PPM1B: variants seen among roughly 807,000 people sequenced by gnomAD.
PPM1B encodes the protein protein phosphatase, Mg2+/Mn2+ dependent 1B.
A neutral mutation model predicts 43.0 loss-of-function variants in PPM1B; 22 were observed. The ratio of observed to expected loss-of-function variants is 0.51; its 90% CI spans 0.37 to 0.73. The LOEUF is 0.73. PPM1B is among the 30% of genes least tolerant of loss of function. PPM1B has a pLI of 0.00. For synonymous variants in PPM1B, 217 were observed against 197.9 expected, an observed-to-expected ratio of 1.10 and a Z score of -0.81; for missense variants, 632 against 584.2, an observed-to-expected ratio of 1.08 and a Z score of -0.84.
chr2:44,230,365 A>C, intron 5 of PPM1B, 48 bp from the exon 6 acceptor site: 1 of 1,591,180 alleles, frequency 6.3e-7, no homozygotes, highest in Non-Finnish European at 8.5e-7. Context: ...AATACATGTG[A>C]TATCCTAGTT....
At chr2:44,223,623 C>T (rs1670073400) in intron 5 of PPM1B, among the ~76,000 whole-genome samples, 1 of 151,726 alleles carries the variant, frequency 6.6e-6, no homozygotes, top group African/African-American at 2.4e-5. Context: ...TCCTGGCTAA[C>T]ATGGTGAAAC....
chr2:44,178,487 G>A (rs1489549289), intron 1 of PPM1B, among the ~76,000 whole-genome samples: 1 of 116,486 alleles, frequency 8.6e-6, no homozygotes, highest in African/African-American at 3.4e-5. Context: ...TTTTTTTTTA[G>A]ACAGAGTTTC....
intron 5 of PPM1B, among the ~76,000 whole-genome samples, chr2:44,229,325 A>C (rs1311533129): frequency 6.6e-6 from 1 of 152,184 alleles, no homozygotes; most frequent in Non-Finnish European, 1.5e-5. Context: ...ATAATATTGA[A>C]TATCAAGTTT....
In PPM1B at chr2:44,201,808, G is replaced by A; in HGVS notation, c.609G>A (p.Gly203=). Reference sequence around the variant, plus strand: ...CATTAGCAGTATCTCGTGCTCTGGGGGACTATGATTACAAGTGTGTTGATG... The same window carrying A: ...CATTAGCAGTATCTCGTGCTCTGGGAGACTATGATTACAAGTGTGTTGATG... ...NGSLAVSRAL[G]DYDYKCVDGK... The change falls in exon 2 of 6, where the codon GGG becomes GGA. Residue 203 remains glycine, a synonymous_variant. Coordinates refer to ENST00000282412, the MANE Select transcript of PPM1B (RefSeq NM_002706.6). This position sits in a 1 kb window ranked among gnomAD's most constrained non-coding sequence, Gnocchi z 5.4. The A allele has an allele frequency of 6.2e-7, 1 of 1,614,146 alleles. No individual in the cohort carries two copies.
Position 44,230,654 on chromosome 2 carries a change from G to T in PPM1B, c.1376G>T (p.Gly459Val). 1 of 1,614,150 alleles carries T rather than the reference G, an allele frequency of 6.2e-7. No homozygotes were observed. The highest frequency in any genetic ancestry group is 8.5e-7 in the Non-Finnish European group (1 of 1,179,988). The change falls in exon 6 of 6, where the codon GGT becomes GTT. Residue 459 changes from glycine (G) to valine (V), a missense_variant. By Grantham distance (109) the Gly-to-Val change is moderately radical (BLOSUM62 -3). This residue lies in a region of PPM1B where 392 missense variants were observed against 302.7 expected (regional missense o/e 1.29). Transcript: ENST00000282412. ...MQESHTESES[G>V]LAELDSSNED... ...GAAAGCCATACTGAATCAGAAAGTG[G>T]TCTTGCTGAATTAGACAGCTCTAAT... is the stretch of plus-strand genomic sequence containing the variant.
chr2:44,209,405 C>T, intron 3 of PPM1B, 78 bp downstream of exon 3: 2 of 1,466,452 alleles, frequency 1.4e-6, no homozygotes, highest in East Asian at 2.3e-5. Context: ...CTTTTGTCGC[C>T]TGGGCGACAC....
intron 1 of PPM1B, among the ~76,000 whole-genome samples, chr2:44,193,778 C>T (rs947921157): frequency 3.9e-5 from 6 of 151,958 alleles, no homozygotes; most frequent in Non-Finnish European, 4.4e-5. Context: ...GGGGTTTTAC[C>T]GTGTTGGCCA....
At chr2:44,193,937 C>G (rs1668530972) in intron 1 of PPM1B, among the ~76,000 whole-genome samples, 1 of 152,140 alleles carries the variant, frequency 6.6e-6, no homozygotes, top group East Asian at 1.9e-4. Context: ...TGGTCTCGAG[C>G]TACTGGCCTC....
At chr2:44,210,172 A>G (rs115047239) in intron 3 of PPM1B, among the ~76,000 whole-genome samples, 2,008 of 152,106 alleles carry the variant, frequency 0.013, 42 homozygotes, top group African/African-American at 0.046. Flanking sequence ...TAGTGTTTCA[A>G]AAGATTATTT....
downstream of PPM1B, among the ~76,000 whole-genome samples, chr2:44,239,095 G>T (rs1670691165): frequency 6.8e-6 from 1 of 146,410 alleles, no homozygotes; most frequent in African/African-American, 2.5e-5. Flanking sequence ...GATCCCTTAA[G>T]CCCAGGAGTT....
intron 1 of PPM1B, among the ~76,000 whole-genome samples, chr2:44,172,981 A>T (rs1667418363): frequency 6.6e-6 from 1 of 152,176 alleles, no homozygotes. Flanking sequence ...ACTTTTGAAC[A>T]TTTCCATCCA....
chr2:44,232,856 T>G (rs1670507080), downstream of PPM1B: 2 of 971,074 alleles, frequency 2.1e-6, no homozygotes, highest in African/African-American at 1.8e-5. Flanking sequence ...TATTATTGAT[T>G]GTTATTTAAT....
chr2:44,192,320 C>T (rs1668447222), intron 1 of PPM1B, among the ~76,000 whole-genome samples: 2 of 151,954 alleles, frequency 1.3e-5, no homozygotes, highest in Admixed American at 6.6e-5. Context: ...TGGATTCAAG[C>T]GATTTTCCTG....
chr2:44,216,249 A>G (rs1488182912), intron 3 of PPM1B, among the ~76,000 whole-genome samples: 1 of 152,132 alleles, frequency 6.6e-6, no homozygotes, highest in African/African-American at 2.4e-5. Flanking sequence ...AGGGGTGTAA[A>G]AATGTCTGGT....
At chr2:44,178,185 G>A (rs1667677935) in intron 1 of PPM1B, among the ~76,000 whole-genome samples, 1 of 151,822 alleles carries the variant, frequency 6.6e-6, no homozygotes, top group African/African-American at 2.4e-5. Flanking sequence ...CTCCTAAAGT[G>A]TTGTGATTAC....
chr2:44,226,885 A>C (rs1670237936), intron 5 of PPM1B, among the ~76,000 whole-genome samples: 1 of 150,638 alleles, frequency 6.6e-6, no homozygotes. Flanking sequence ...TACTTATCAC[A>C]TGTTGTTCCA....
chr2:44,177,982 A>G (rs1163030989), intron 1 of PPM1B, among the ~76,000 whole-genome samples: 4 of 149,436 alleles, frequency 2.7e-5, no homozygotes, highest in Non-Finnish European at 4.4e-5. Flanking sequence ...CAGTGGCTCA[A>G]TCTTGGCTCA....
rs552753271 is a variant in PPM1B at position 44,226,967 on chromosome 2, TATTTATGAATGA to T, written c.1135-3443_1135-3432del. Among the ~76,000 whole-genome samples, 841 of 141,878 alleles carry T rather than the reference TATTTATGAATGA, an allele frequency of 5.9e-3. 4 individuals carry two copies. Among genetic ancestry groups the T allele is most frequent in the Middle Eastern group, 0.011 (3 of 272 alleles). The allele number at this position is 141,878 out of a possible 152,430, so 93.1% of individuals were successfully genotyped here. A position where few individuals can be genotyped will look rare whatever the true frequency, so the allele number is the denominator to read the frequency against. ...TTATTTATTTATTTATTTATTTATTTATTTATGAATGAATGAATGAATGAATGACAGGGTCTT... is the reference window on the plus strand; with the variant it reads ...TTATTTATTTATTTATTTATTTATTTATGAATGAATGAATGACAGGGTCTT... On this transcript the variant is annotated intron_variant, in intron 5 of 5. Transcript: ENST00000282412.
At chr2:44,195,835 A>T (rs1005362883) in intron 1 of PPM1B, among the ~76,000 whole-genome samples, 1 of 152,184 alleles carries the variant, frequency 6.6e-6, no homozygotes, top group Non-Finnish European at 1.5e-5. Flanking sequence ...AGAAAATACC[A>T]TGTAGCTCTG....
Sources: allele counts gnomAD v4.1 joint callset (sites outside exome capture counted in the v4.1 genomes callset), GRCh38; gene constraint gnomAD v4.1.1; regional missense constraint gnomAD v4.1.1; non-coding constraint Gnocchi (gnomAD v3.1); transcripts MANE v1.5; gene names NCBI Gene and HGNC (gene_info 2026-07-23, HGNC 2026-07-21).